RBMS3: variants seen among roughly 807,000 people sequenced by gnomAD.
RBMS3 encodes RNA-binding motif, single-stranded-interacting protein 3.
In RBMS3, 27 loss-of-function variants were observed where a neutral mutation model predicts 66.8. The observed-to-expected ratio is 0.40, with a 90% CI of 0.30 to 0.56. RBMS3 has a LOEUF of 0.56. Ranked by LOEUF, RBMS3 falls within the 20% of genes least tolerant of loss-of-function variation. RBMS3 has a pLI of 0.40. For missense variants in RBMS3, 513 were observed against 549.5 expected, an observed-to-expected ratio of 0.93 and a Z score of 0.66; for synonymous variants, 188 against 183.0, an observed-to-expected ratio of 1.03 and a Z score of -0.22.
intron 4 of RBMS3, among the ~76,000 whole-genome samples, chr3:29,658,818 T>G (rs943452966): frequency 5.3e-5 from 8 of 152,232 alleles, no homozygotes; most frequent in African/African-American, 1.9e-4. Flanking sequence ...CTGTTTTTTG[T>G]TTGTTTGCTT....
At chr3:29,642,058 A>G (rs1296602241) in intron 4 of RBMS3, among the ~76,000 whole-genome samples, 1 of 152,108 alleles carries the variant, frequency 6.6e-6, no homozygotes, top group African/African-American at 2.4e-5. Context: ...GTTAAAAGCA[A>G]TAACTGCTTT....
intron 5 of RBMS3, among the ~76,000 whole-genome samples, chr3:29,745,117 G>T (rs2054826504): frequency 6.6e-6 from 1 of 152,146 alleles, no homozygotes; most frequent in Admixed American, 6.5e-5. Flanking sequence ...TATTTAAAAC[G>T]CTGAATTTCA....
intron 3 of RBMS3, among the ~76,000 whole-genome samples, chr3:29,561,920 C>T (rs894692804): frequency 8.6e-5 from 13 of 151,854 alleles, no homozygotes; most frequent in African/African-American, 3.1e-4. Flanking sequence ...TTAATGGAGT[C>T]ATTTGTGGTT....
chr3:29,752,166 T>C (rs1353277171), intron 5 of RBMS3, among the ~76,000 whole-genome samples: 2 of 152,072 alleles, frequency 1.3e-5, no homozygotes, highest in African/African-American at 4.8e-5. Context: ...GGAAGGGCAA[T>C]ATAGTGGGAA....
At chr3:29,525,821 G>A (rs2045071439) in intron 3 of RBMS3, among the ~76,000 whole-genome samples, 2 of 152,272 alleles carry the variant, frequency 1.3e-5, no homozygotes, top group South Asian at 4.1e-4. Context: ...CACTGGGTAT[G>A]AATCTGGAAC....
At chr3:29,571,438 T>A (rs1286400692) in intron 3 of RBMS3, among the ~76,000 whole-genome samples, 1 of 152,152 alleles carries the variant, frequency 6.6e-6, no homozygotes, top group Non-Finnish European at 1.5e-5. Context: ...TCCATTTTGA[T>A]ATGTTTTTTG....
chr3:29,535,403 A>T (rs1356099737), intron 3 of RBMS3, among the ~76,000 whole-genome samples: 1 of 152,150 alleles, frequency 6.6e-6, no homozygotes, highest in African/African-American at 2.4e-5. Flanking sequence ...TTATATGTTA[A>T]ACTGTAATGA....
intron 3 of RBMS3, among the ~76,000 whole-genome samples, chr3:29,537,964 C>T (rs1418057135): frequency 6.6e-6 from 1 of 151,904 alleles, no homozygotes; most frequent in Non-Finnish European, 1.5e-5. Context: ...CTTGTATTTG[C>T]TTTTTGCATA....
At chr3:29,504,739 A>G (rs112994994) in intron 3 of RBMS3, among the ~76,000 whole-genome samples, 2,421 of 151,836 alleles carry the variant, frequency 0.016, 27 homozygotes, top group Admixed American at 0.036. Context: ...TTTTCTCCAC[A>G]TCCTCATCAA....
chr3:29,829,368 A>G (rs1012023258), intron 6 of RBMS3, among the ~76,000 whole-genome samples: 4 of 152,130 alleles, frequency 2.6e-5, no homozygotes, highest in Middle Eastern at 3.2e-3. Flanking sequence ...TTAGTCTACA[A>G]TGTTCACTTG....
At chr3:29,871,795 C>T (rs13099778) in intron 7 of RBMS3, among the ~76,000 whole-genome samples, 5 of 151,980 alleles carry the variant, frequency 3.3e-5, no homozygotes, top group South Asian at 4.2e-4. Context: ...AAGTACCATG[C>T]GCATGCCAAT....
chr3:29,957,785 CT>C (rs1201521715), intron 12 of RBMS3, among the ~76,000 whole-genome samples: 15 of 152,148 alleles, frequency 9.9e-5, no homozygotes, highest in African/African-American at 3.6e-4. Flanking sequence ...CTTTTATACT[CT>C]TTTCATCGCC....
intron 6 of RBMS3, among the ~76,000 whole-genome samples, chr3:29,798,955 A>C (rs1009848459): frequency 6.8e-5 from 9 of 132,410 alleles, no homozygotes; most frequent in African/African-American, 2.7e-4. Flanking sequence ...TTTTGTAATC[A>C]CAAGGGATTG....
intron 2 of RBMS3, among the ~76,000 whole-genome samples, chr3:29,443,993 G>T (rs1170121176): frequency 1.3e-5 from 2 of 152,124 alleles, no homozygotes; most frequent in Non-Finnish European, 2.9e-5. Context: ...GCAACTTTGG[G>T]TGGACAGAAA....
chr3:29,602,830 A>G (rs2048193592), intron 4 of RBMS3, among the ~76,000 whole-genome samples: 2 of 151,954 alleles, frequency 1.3e-5, no homozygotes, highest in African/African-American at 4.8e-5. Context: ...TATTGCTTGC[A>G]TTCATTGATT....
rs1491567884 is a variant in RBMS3, at chr3:29,527,181, T to TTAAAAAAAAAAAAAAAAAAAAAAAAAAA, written c.307+38682_307+38683insTAAAAAAAAAAAAAAAAAAAAAAAAAAA. Reference sequence around the variant, plus strand: ...TTTCAGACGTGATTGTTAGGTAGAGTAAAAAAAAAAAAAAAAAAAAAAAAA... The same window carrying TTAAAAAAAAAAAAAAAAAAAAAAAAAAA: ...TTTCAGACGTGATTGTTAGGTAGAGTTAAAAAAAAAAAAAAAAAAAAAAAAAAAAAAAAAAAAAAAAAAAAAAAAAAAA... On this transcript the variant is annotated intron_variant, in intron 3 of 14. Transcript: ENST00000383767. Among the ~76,000 whole-genome samples, 15 of 87,822 alleles carry TTAAAAAAAAAAAAAAAAAAAAAAAAAAA rather than the reference T, an allele frequency of 1.7e-4. 2 individuals carry two copies. Among genetic ancestry groups the TTAAAAAAAAAAAAAAAAAAAAAAAAAAA allele is most frequent in the African/African-American group, 6.2e-4 (13 of 21,074 alleles). 57.6% of individuals were successfully genotyped at this position (87,822 alleles called of 152,430 possible). A position where few individuals can be genotyped will look rare whatever the true frequency, so the allele number is the denominator to read the frequency against.
intron 8 of RBMS3, among the ~76,000 whole-genome samples, chr3:29,884,779 A>G (rs752878999): frequency 1.3e-5 from 2 of 151,840 alleles, no homozygotes; most frequent in Non-Finnish European, 2.9e-5. Flanking sequence ...GCAACTCTAA[A>G]ATTCTGTGAC....
chr3:29,465,557 T>C lies in RBMS3; in HGVS notation c.249-22884T>C, dbSNP rs1427093677. Among the ~76,000 whole-genome samples the C allele has an allele frequency of 7.0e-5, 10 of 143,718 alleles. No individual in the cohort carries two copies. The East Asian group carries it at 1.0e-3, about 15-fold the overall frequency. 94.3% of individuals were successfully genotyped at this position (143,718 alleles called of 152,430 possible). A position where few individuals can be genotyped will look rare whatever the true frequency, so the allele number is the denominator to read the frequency against. The stretch of plus-strand genomic sequence containing the variant: ...ATGTGCCCTTATTTTTTTTTTTTTT[T>C]CTGTAAATCTAGTGAGCCCCTGAGC... On this transcript the variant is annotated intron_variant, in intron 2 of 14. Coordinates refer to ENST00000383767, the MANE Select transcript of RBMS3 (RefSeq NM_001003793.3).
chr3:29,616,686 G>T (rs539753461), intron 4 of RBMS3: 44 of 152,056 alleles, frequency 2.9e-4, no homozygotes, highest in African/African-American at 1.1e-3. Context: ...ACACCTCTTC[G>T]CATGTCCCTC....
Sources: allele counts gnomAD v4.1 joint callset (sites outside exome capture counted in the v4.1 genomes callset), GRCh38; gene constraint gnomAD v4.1.1; transcripts MANE v1.5; gene names NCBI Gene and HGNC (gene_info 2026-07-23, HGNC 2026-07-21).